Variants in CACNA2D3 observed in about 807,000 individuals in gnomAD.
CACNA2D3 encodes voltage-dependent calcium channel subunit alpha-2/delta-3.
Under a neutral mutation model 160.6 loss-of-function variants are expected in CACNA2D3, and 60 were observed. That is an observed-to-expected ratio of 0.37 (90% CI 0.30 to 0.46). CACNA2D3 has a LOEUF of 0.46. Ranked by LOEUF, CACNA2D3 falls within the 20% of genes least tolerant of loss-of-function variation. The probability of loss-of-function intolerance (pLI) is 1.00; values close to 1 mark genes in which losing one functional copy is unlikely to be tolerated. For missense variants in CACNA2D3, 1,205 were observed against 1,365.0 expected (o/e 0.88, Z 1.85); for synonymous variants, 558 against 492.9 (o/e 1.13, Z -1.75).
chr3:54,421,157 A>G (rs1333925988), intron 4 of CACNA2D3, among the ~76,000 whole-genome samples: 2 of 152,172 alleles, frequency 1.3e-5, no homozygotes, highest in East Asian at 3.8e-4. Context: ...GGGGCAGTGA[A>G]TGTGTTTGTG....
chr3:54,879,388 A>AGACATCAAG lies in CACNA2D3; in HGVS notation c.1823_1831dup (p.Asp608_Lys610dup). On this transcript the variant is annotated inframe_insertion, in exon 20 of 38. Coordinates refer to ENST00000474759, the MANE Select transcript of CACNA2D3 (RefSeq NM_018398.3). ...TGATGACAAATGACTACTATTATAC[A>AGACATCAAG]GACATCAAGGGTACTCCTTTCAGGT... 1 of 1,610,402 alleles carries AGACATCAAG rather than the reference A, an allele frequency of 6.2e-7. No homozygotes were observed. The highest frequency in any genetic ancestry group is 8.5e-7 in the Non-Finnish European group (1 of 1,178,336).
At chr3:54,779,394 T>C (rs1235876865) in intron 13 of CACNA2D3, among the ~76,000 whole-genome samples, 2 of 152,204 alleles carry the variant, frequency 1.3e-5, no homozygotes, top group Admixed American at 6.5e-5. Context: ...CTACCACTCC[T>C]GGCCCAGAAT....
chr3:54,473,364 C>T (rs1463573323), intron 4 of CACNA2D3, among the ~76,000 whole-genome samples: 3 of 152,218 alleles, frequency 2.0e-5, no homozygotes, highest in Admixed American at 6.5e-5. Context: ...CTTCCTTACA[C>T]CTTATAAAAA....
intron 2 of CACNA2D3, among the ~76,000 whole-genome samples, chr3:54,182,444 G>A (rs1171251230): frequency 6.6e-6 from 1 of 152,152 alleles, no homozygotes; most frequent in East Asian, 1.9e-4. Flanking sequence ...CCAGGAGTCC[G>A]CTCGTCACTG....
At chr3:54,292,136 A>G (rs546925932) in intron 2 of CACNA2D3, among the ~76,000 whole-genome samples, 9 of 152,098 alleles carry the variant, frequency 5.9e-5, no homozygotes, top group Non-Finnish European at 1.2e-4. Flanking sequence ...ATGAAGTTGG[A>G]CCCCTACCTC....
At position 54,570,164 on chromosome 3, in the gene CACNA2D3, C is replaced by T. The variant is rs1242758357; in HGVS notation, c.888+60C>T. The T allele has an allele frequency of 8.5e-6, 13 of 1,522,782 alleles. 1 individual carries two copies. The highest frequency in any genetic ancestry group is 1.2e-5 in the Non-Finnish European group (13 of 1,103,452). 94.3% of individuals were successfully genotyped at this position (1,522,782 alleles called of 1,614,324 possible). A position where few individuals can be genotyped will look rare whatever the true frequency, so the allele number is the denominator to read the frequency against. ...GGTTCATTTGATCTTTTGGTAGTGA[C>T]TGGTTAACATTGCTCTCGCTGTTAG... On this transcript the variant is annotated intron_variant, in intron 8 of 37. Coordinates refer to ENST00000474759, the MANE Select transcript of CACNA2D3 (RefSeq NM_018398.3).
At chr3:54,594,260 A>G (rs1011426933) in intron 9 of CACNA2D3, among the ~76,000 whole-genome samples, 2 of 152,180 alleles carry the variant, frequency 1.3e-5, no homozygotes, top group South Asian at 4.1e-4. Context: ...CAGCTTTACA[A>G]TTGTAGCATG....
intron 13 of CACNA2D3, among the ~76,000 whole-genome samples, chr3:54,807,847 C>A (rs1185621716): frequency 4.7e-5 from 7 of 150,340 alleles, no homozygotes; most frequent in African/African-American, 1.7e-4. Flanking sequence ...AAATGTGGCA[C>A]ATATACACCA....
At chr3:54,678,656 G>A (rs1700284691) in intron 11 of CACNA2D3, among the ~76,000 whole-genome samples, 1 of 139,478 alleles carries the variant, frequency 7.2e-6, no homozygotes, top group East Asian at 2.3e-4. Flanking sequence ...GGGAGGTGGA[G>A]GTTGTAATGA....
chr3:54,793,656 C>T (rs897939673), intron 13 of CACNA2D3, among the ~76,000 whole-genome samples: 2 of 152,078 alleles, frequency 1.3e-5, no homozygotes, highest in Non-Finnish European at 2.9e-5. Context: ...CACGTAACTC[C>T]CTTTGTCTAG....
At chr3:54,764,143 C>T in intron 12 of CACNA2D3, 75 bp from the exon 13 acceptor site, 2 of 1,504,528 alleles carry the variant, frequency 1.3e-6, no homozygotes, top group Non-Finnish European at 1.8e-6. Context: ...GGCAAGAAGG[C>T]ATGGCATATG....
At chr3:54,635,978 G>A (rs1481805589) in intron 10 of CACNA2D3, among the ~76,000 whole-genome samples, 1 of 151,930 alleles carries the variant, frequency 6.6e-6, no homozygotes, top group Non-Finnish European at 1.5e-5. Flanking sequence ...TTCCTGACTC[G>A]GGCATGTTAA....
chr3:54,857,814 T>C (rs977745108), intron 17 of CACNA2D3, among the ~76,000 whole-genome samples: 1 of 152,180 alleles, frequency 6.6e-6, no homozygotes, highest in Non-Finnish European at 1.5e-5. Flanking sequence ...CACCATGGCG[T>C]TGAGCATGCT....
Position 54,426,540 on chromosome 3 carries a change from A to G in CACNA2D3, c.381+39766A>G, listed in dbSNP as rs534614228. Reference sequence around the variant, plus strand: ...GACATTAATTATGATGCACCTCCCTACTGAGCTATTCTTCCCTGGCAATAT... The same window carrying G: ...GACATTAATTATGATGCACCTCCCTGCTGAGCTATTCTTCCCTGGCAATAT... On this transcript the variant is annotated intron_variant, in intron 4 of 37. Transcript: ENST00000474759. Among the ~76,000 whole-genome samples the G allele has an allele frequency of 2.0e-5, 3 of 152,324 alleles. No homozygotes were observed. The East Asian group carries it at 5.8e-4, about 29-fold the overall frequency.
At chr3:54,907,759 C>A (rs188734329) in intron 27 of CACNA2D3, among the ~76,000 whole-genome samples, 1 of 152,070 alleles carries the variant, frequency 6.6e-6, no homozygotes, top group South Asian at 2.1e-4. Context: ...CTCTAGGAAA[C>A]CACTCGTGTG....
At chr3:54,726,995 A>G (rs1701289501) in intron 11 of CACNA2D3, among the ~76,000 whole-genome samples, 1 of 152,238 alleles carries the variant, frequency 6.6e-6, no homozygotes, top group Admixed American at 6.5e-5. Context: ...GAATGGGAGA[A>G]GATTTTTGCA....
intron 2 of CACNA2D3, among the ~76,000 whole-genome samples, chr3:54,283,922 G>C (rs1219782884): frequency 5.9e-5 from 9 of 152,048 alleles, no homozygotes; most frequent in African/African-American, 1.7e-4. Context: ...AATTAGCTGA[G>C]TGTGGAGTGC....
chr3:54,858,328 TC>T (rs773022378), intron 17 of CACNA2D3, among the ~76,000 whole-genome samples: 1 of 152,090 alleles, frequency 6.6e-6, no homozygotes, highest in Non-Finnish European at 1.5e-5. Context: ...ATCTAATTGA[TC>T]AATTGCTTTT....
At position 54,885,510 on chromosome 3, in the gene CACNA2D3, ACAC is replaced by A; in HGVS notation, c.1982_1984del (p.His661del). 6.2e-7 allele frequency: 1 copy of A among 1,613,778 alleles called. No homozygotes were observed. The highest frequency in any genetic ancestry group is 8.5e-7 in the Non-Finnish European group (1 of 1,179,786). On this transcript the variant is annotated inframe_deletion, in exon 23 of 38. Coordinates refer to ENST00000474759, the MANE Select transcript of CACNA2D3 (RefSeq NM_018398.3). ...TTAGGTCCTACTGCAACACTGACCT[ACAC>A]CCTGAGCACCGCCATCTGTCTCAGT...
Sources: gnomAD v4.1 joint callset for allele counts (sites outside exome capture counted in the v4.1 genomes callset) on GRCh38, gnomAD v4.1.1 for gene constraint, MANE v1.5 for transcripts, NCBI Gene and HGNC (gene_info 2026-07-23, HGNC 2026-07-21) for gene names.